LHFPL2: variants seen among roughly 807,000 people sequenced by gnomAD.
The protein encoded by LHFPL2 is LHFPL tetraspan subfamily member 2 protein.
A neutral mutation model predicts 17.5 loss-of-function variants in LHFPL2; 7 were observed. The ratio of observed to expected loss-of-function variants is 0.40; its 90% CI spans 0.23 to 0.75. The LOEUF (loss-of-function observed/expected upper bound fraction) is 0.75, where lower values mean the gene tolerates loss of function less well. LHFPL2 is among the 30% of genes least tolerant of loss of function. The pLI is 0.37. For synonymous variants in LHFPL2, 134 were observed against 116.2 expected, an observed-to-expected ratio of 1.15 and a Z score of -0.99; for missense variants, 241 against 294.8, an observed-to-expected ratio of 0.82 and a Z score of 1.34.
chr5:78,600,845 G>A (rs1743988725), intron 2 of LHFPL2, among the ~76,000 whole-genome samples: 3 of 152,152 alleles, frequency 2.0e-5, no homozygotes, highest in Admixed American at 2.0e-4. Context: ...TAAAGTCAAA[G>A]GTTCTGGCTG....
chr5:78,526,938 T>C (rs900459469), intron 3 of LHFPL2, among the ~76,000 whole-genome samples: 1 of 152,106 alleles, frequency 6.6e-6, no homozygotes, highest in Non-Finnish European at 1.5e-5. Flanking sequence ...AGAAAACTAT[T>C]TGATGCCAAT....
At chr5:78,532,369 C>T (rs1486449515) in intron 3 of LHFPL2, among the ~76,000 whole-genome samples, 1 of 152,182 alleles carries the variant, frequency 6.6e-6, no homozygotes, top group African/African-American at 2.4e-5. Flanking sequence ...CCTGACTCAG[C>T]TTTGACCTTG....
rs1005890678 is a variant in LHFPL2 at position 78,585,507 on chromosome 5, T to C, written c.-244-20636A>G. On this transcript the variant is annotated intron_variant, in intron 2 of 4. Transcript: ENST00000380345. ...CACCCACTGACCTGCGCCCACTGTC[T>C]GGCACTCCCTAGTGAGATGAACCCG... Among the ~76,000 whole-genome samples, 3 of 152,288 alleles carry C rather than the reference T, an allele frequency of 2.0e-5. No individual in the cohort carries two copies. In the East Asian group the frequency reaches 5.8e-4, roughly 29 times the overall value.
intron 2 of LHFPL2, among the ~76,000 whole-genome samples, chr5:78,575,788 T>C (rs1157113165): frequency 1.3e-5 from 2 of 152,200 alleles, no homozygotes; most frequent in African/African-American, 4.8e-5. Flanking sequence ...AAAGGGAAGA[T>C]AGTGTAATTT....
intron 1 of LHFPL2, among the ~76,000 whole-genome samples, chr5:78,635,404 G>T (rs935765794): frequency 6.6e-6 from 1 of 152,160 alleles, no homozygotes; most frequent in African/African-American, 2.4e-5. Flanking sequence ...AGGGAAAAGG[G>T]ATGGTTTCTG....
chr5:78,564,133 A>T (rs1339645331), intron 3 of LHFPL2, among the ~76,000 whole-genome samples: 2 of 152,148 alleles, frequency 1.3e-5, no homozygotes, highest in Non-Finnish European at 2.9e-5. Flanking sequence ...CCTCCAGTTT[A>T]TAATAAGACC....
At chr5:78,509,687 C>G in intron 4 of LHFPL2, 97 bp downstream of exon 4, 1 of 1,307,352 alleles carries the variant, frequency 7.6e-7, no homozygotes, top group Non-Finnish European at 1.1e-6. Context: ...TGGTCTTCTC[C>G]AAAACTAGCA....
intron 3 of LHFPL2, among the ~76,000 whole-genome samples, chr5:78,528,449 C>A (rs547549058): frequency 1.2e-4 from 18 of 152,314 alleles, no homozygotes; most frequent in African/African-American, 4.3e-4. Flanking sequence ...TTATGAGAAT[C>A]TAATACCTGA....
intron 2 of LHFPL2, chr5:78,625,312 G>A (rs576362132): frequency 1.3e-5 from 2 of 152,346 alleles, no homozygotes; most frequent in Admixed American, 6.5e-5. Flanking sequence ...GCTGCAAAAC[G>A]AGGGTAGGCT....
intron 3 of LHFPL2, 39 bp from the exon 4 acceptor site, chr5:78,510,437 C>T (rs936472950): frequency 1.5e-5 from 8 of 522,696 alleles, no homozygotes; most frequent in Non-Finnish European, 2.7e-5. Context: ...GCCGCCAGGC[C>T]CCGCCCCGCC....
intron 4 of LHFPL2, among the ~76,000 whole-genome samples, chr5:78,507,338 AAAAG>A (rs1482619968): frequency 2.0e-5 from 3 of 151,804 alleles, no homozygotes; most frequent in Non-Finnish European, 2.9e-5. Context: ...TTAAAAAAAA[AAAAG>A]AAAAGAAAAA....
At chr5:78,523,263 C>T (rs1287823394) in intron 3 of LHFPL2, among the ~76,000 whole-genome samples, 2 of 152,124 alleles carry the variant, frequency 1.3e-5, no homozygotes, top group Non-Finnish European at 2.9e-5. Flanking sequence ...TCTCACAGCC[C>T]CTCGTACCCA....
intron 2 of LHFPL2, among the ~76,000 whole-genome samples, chr5:78,572,679 G>T (rs963068367): frequency 1.3e-5 from 2 of 151,970 alleles, no homozygotes; most frequent in African/African-American, 4.8e-5. Flanking sequence ...CTTTTTTAGG[G>T]CTAGGAGTTA....
At chr5:78,529,112 G>GAAA (rs59230176) in intron 3 of LHFPL2, among the ~76,000 whole-genome samples, 1 of 139,110 alleles carries the variant, frequency 7.2e-6, no homozygotes, top group Non-Finnish European at 1.6e-5. Flanking sequence ...CCACGTCTCT[G>GAAA]AAAAAAAAAA....
chr5:78,510,040 G>A lies in LHFPL2; in HGVS notation c.174C>T (p.His58=). Residue 58 remains histidine (H), a synonymous_variant, in exon 4 of 5, where the codon CAC becomes CAT. Transcript: ENST00000380345. ...AGCGGGCGTAGATGCCCAGGGTGGG[G>A]TGGTAGGGCTCCGGGGAGCCCCCGC... ...GPGGGSPEPY[H]PTLGIYARCI... is the part of the protein sequence containing the mutation. 2.5e-6 allele frequency: 4 copies of A among 1,610,872 alleles called. No homozygotes were observed. Among genetic ancestry groups the A allele is most frequent in the Non-Finnish European group, 3.4e-6 (4 of 1,178,680 alleles).
chr5:78,514,186 C>A (rs1755220359), intron 3 of LHFPL2, among the ~76,000 whole-genome samples: 1 of 151,046 alleles, frequency 6.6e-6, no homozygotes, highest in Non-Finnish European at 1.5e-5. Flanking sequence ...TAGGCCCTCG[C>A]TGCCATTCTA....
intron 3 of LHFPL2, among the ~76,000 whole-genome samples, chr5:78,548,080 G>A (rs1055643906): frequency 5.3e-5 from 8 of 152,236 alleles, no homozygotes; most frequent in African/African-American, 1.9e-4. Context: ...TGACCAAGTG[G>A]GTCTTTTCCA....
At chr5:78,632,652 C>T (rs1015621441) in intron 1 of LHFPL2, among the ~76,000 whole-genome samples, 6 of 152,168 alleles carry the variant, frequency 3.9e-5, no homozygotes. Context: ...CTTCTATATG[C>T]CAGGTACCTT....
rs1004947365 is a variant in LHFPL2, at chr5:78,648,673, GC to G, written c.-525del. 15 of 151,996 alleles carry G rather than the reference GC, an allele frequency of 9.9e-5. No homozygotes were observed. The highest frequency in any genetic ancestry group is 3.4e-4 in the African/African-American group (14 of 41,330). 9.4% of individuals were successfully genotyped at this position (151,996 alleles called of 1,614,324 possible). On this transcript the variant is annotated 5_prime_UTR_variant, in exon 1 of 5. Transcript: ENST00000380345. This position sits in a 1 kb window ranked among gnomAD's most constrained non-coding sequence, Gnocchi z 5.4. ...GGAGGCGGCGGGAGAGGGGGGCAACGCAAGGGAGGGGAGAGGGTCCGCGGCG... is the reference window on the plus strand; with the variant it reads ...GGAGGCGGCGGGAGAGGGGGGCAACGAAGGGAGGGGAGAGGGTCCGCGGCG...
Sources: gnomAD v4.1 joint callset for allele counts (sites outside exome capture counted in the v4.1 genomes callset) on GRCh38, gnomAD v4.1.1 for gene constraint, Gnocchi (gnomAD v3.1) non-coding constraint, MANE v1.5 for transcripts, NCBI Gene and HGNC (gene_info 2026-07-23, HGNC 2026-07-21) for gene names.